The following PAQR5 variants were observed in gnomAD, a reference collection of about 807,000 sequenced individuals.
The protein encoded by PAQR5 is progestin and adipoQ receptor family member 5, also known as membrane progestin receptor gamma.
Under a neutral mutation model 34.5 loss-of-function variants are expected in PAQR5, and 20 were observed. The ratio of observed to expected loss-of-function variants is 0.58; its 90% CI spans 0.41 to 0.84. The LOEUF (loss-of-function observed/expected upper bound fraction) is 0.84, where lower values mean the gene tolerates loss of function less well. Ranked by LOEUF, PAQR5 falls within the 40% of genes least tolerant of loss-of-function variation. The probability of loss-of-function intolerance (pLI) is 0.00; values close to 1 mark genes in which losing one functional copy is unlikely to be tolerated. For synonymous variants in PAQR5, 131 were observed against 155.6 expected (o/e 0.84, Z 1.18); for missense variants, 378 against 412.7 (o/e 0.92, Z 0.73).
At chr15:69,315,202 A>T (rs549970792) in intron 1 of PAQR5, among the ~76,000 whole-genome samples, 3 of 152,154 alleles carry the variant, frequency 2.0e-5, no homozygotes, top group African/African-American at 7.2e-5. Context: ...CCTTCACACG[A>T]CTGCAACTGC....
At chr15:69,391,892 A>G (rs2056284207) in intron 6 of PAQR5, 1 of 380,038 alleles carries the variant, frequency 2.6e-6, no homozygotes, top group Non-Finnish European at 5.3e-6. Flanking sequence ...ACCTGTCTCC[A>G]CTAAAAATAC....
In PAQR5 at chr15:69,321,347, C is replaced by G. The variant is rs547470614; in HGVS notation, c.-276-15994C>G. 2.0e-5 allele frequency among the ~76,000 whole-genome samples: 3 copies of G among 152,300 alleles called. No individual in the cohort carries two copies. In the South Asian group the frequency reaches 6.2e-4, roughly 32 times the overall value. On this transcript the variant is annotated intron_variant, in intron 1 of 8. Coordinates refer to ENST00000395407, the MANE Select transcript of PAQR5 (RefSeq NM_017705.4). The stretch of plus-strand genomic sequence containing the variant: ...CTTCCATGCTGGCTCCAGCAATTAT[C>G]AACTCATGGCCGTTTTTTATCTATA...
intron 1 of PAQR5, among the ~76,000 whole-genome samples, chr15:69,328,179 G>A (rs1164227749): frequency 6.6e-6 from 1 of 152,206 alleles, no homozygotes; most frequent in Non-Finnish European, 1.5e-5. Flanking sequence ...ATCAGAGAAT[G>A]ATATACATCA....
intron 1 of PAQR5, among the ~76,000 whole-genome samples, chr15:69,303,123 T>G (rs1445480162): frequency 6.6e-6 from 1 of 152,160 alleles, no homozygotes. Flanking sequence ...AGTTAACACG[T>G]GCTGAGTAGA....
chr15:69,362,933 A>G (rs1029191229), intron 3 of PAQR5, among the ~76,000 whole-genome samples: 1 of 152,034 alleles, frequency 6.6e-6, no homozygotes, highest in African/African-American at 2.4e-5. Flanking sequence ...AGGAGATGCA[A>G]CCTTCACTTG....
At chr15:69,302,071 G>GAT (rs1391829475) in intron 1 of PAQR5, among the ~76,000 whole-genome samples, 8 of 151,390 alleles carry the variant, frequency 5.3e-5, no homozygotes, top group Non-Finnish European at 8.8e-5. Flanking sequence ...GGGTTGGTCA[G>GAT]ATATATATAT....
chr15:69,358,137 G>A (rs374179766), intron 2 of PAQR5, among the ~76,000 whole-genome samples: 1 of 152,036 alleles, frequency 6.6e-6, no homozygotes, highest in South Asian at 2.1e-4. Flanking sequence ...AATTTACTAT[G>A]GTAAATTCCC....
chr15:69,348,262 C>A (rs1028143537), intron 2 of PAQR5, among the ~76,000 whole-genome samples: 1 of 152,096 alleles, frequency 6.6e-6, no homozygotes, highest in Admixed American at 6.5e-5. Flanking sequence ...TTATGGCAGG[C>A]CATTTACATG....
chr15:69,375,572 G>C (rs77565335), intron 3 of PAQR5, among the ~76,000 whole-genome samples: 5,879 of 152,216 alleles, frequency 0.039, 155 homozygotes, highest in Non-Finnish European at 0.054. Context: ...TTTATCTCTC[G>C]ACAGAGCCCT....
chr15:69,381,485 G>A (rs2055882600), intron 4 of PAQR5, among the ~76,000 whole-genome samples: 1 of 152,228 alleles, frequency 6.6e-6, no homozygotes, highest in South Asian at 2.1e-4. Context: ...GATTTGAGCT[G>A]CTAAAAGGGT....
intron 3 of PAQR5, among the ~76,000 whole-genome samples, chr15:69,371,631 ATCT>A (rs1232178774): frequency 1.3e-5 from 2 of 152,178 alleles, no homozygotes; most frequent in Non-Finnish European, 2.9e-5. Flanking sequence ...TTGTACGTGA[ATCT>A]TCTCTTCACA....
chr15:69,374,182 T>A (rs2055639472), intron 3 of PAQR5, among the ~76,000 whole-genome samples: 1 of 152,230 alleles, frequency 6.6e-6, no homozygotes, highest in African/African-American at 2.4e-5. Flanking sequence ...ATATCAACAA[T>A]GGTTGGTTAT....
intron 2 of PAQR5, among the ~76,000 whole-genome samples, chr15:69,355,289 TTTC>T (rs1410776758): frequency 9.2e-6 from 1 of 109,094 alleles, no homozygotes; most frequent in Non-Finnish European, 1.8e-5. Flanking sequence ...CTTTCTTTCT[TTTC>T]TTTCTTTCTT....
At chr15:69,333,036 T>C (rs531831141) in intron 1 of PAQR5, among the ~76,000 whole-genome samples, 66 of 152,236 alleles carry the variant, frequency 4.3e-4, no homozygotes, top group Non-Finnish European at 6.2e-4. Context: ...GCAATAGGTA[T>C]ATTTAAAAGG....
At position 69,380,273 on chromosome 15, in the gene PAQR5, G is replaced by A. The variant is rs541546966; in HGVS notation, c.179+263G>A. On this transcript the variant is annotated intron_variant, in intron 4 of 8. Transcript: ENST00000395407. ...TCAGTCCTTCCTGCTCCCTGCTCCG[G>A]TGCCTGATATGATAGCATTTACCTT... is the stretch of plus-strand genomic sequence containing the variant. 5 of 391,978 alleles carry A rather than the reference G, an allele frequency of 1.3e-5. No homozygotes were observed. The East Asian group carries it at 2.4e-4, about 19-fold the overall frequency. 24.3% of individuals were successfully genotyped at this position (391,978 alleles called of 1,614,324 possible).
At position 69,359,983 on chromosome 15, in the gene PAQR5, A is replaced by G. The variant is rs1057046299; in HGVS notation, c.-98A>G. 4.5e-6 allele frequency: 4 copies of G among 895,850 alleles called. No homozygotes were observed. The African/African-American group carries it at 4.9e-5, about 11-fold the overall frequency. 55.5% of individuals were successfully genotyped at this position (895,850 alleles called of 1,614,324 possible). A position where few individuals can be genotyped will look rare whatever the true frequency, so the allele number is the denominator to read the frequency against. On this transcript the variant is annotated 5_prime_UTR_variant, in exon 3 of 9. Transcript: ENST00000395407. ...TCTTTCAGGGAAGCGGCACAGCACCAGCTAGGCAGAGACGCCCCAGGCCAT... is the reference window on the plus strand; with the variant it reads ...TCTTTCAGGGAAGCGGCACAGCACCGGCTAGGCAGAGACGCCCCAGGCCAT...
At position 69,300,937 on chromosome 15, in the gene PAQR5, C is replaced by CCTTCTTTCTTTCTT. The variant is rs2053578416; in HGVS notation, c.-277+1881_-277+1882insCTTCTTTCTTTCTT. Among the ~76,000 whole-genome samples, 2 of 5,154 alleles carry CCTTCTTTCTTTCTT rather than the reference C, an allele frequency of 3.9e-4. 1 individual carries two copies. Among genetic ancestry groups the CCTTCTTTCTTTCTT allele is most frequent in the Non-Finnish European group, 1.8e-3 (2 of 1,108 alleles). The allele number at this position is 5,154 out of a possible 152,430, so 3.4% of individuals were successfully genotyped here. The stretch of plus-strand genomic sequence containing the variant: ...CCTTTCTCTCTCTCTCTCTCTCTCT[C>CCTTCTTTCTTTCTT]TCTTTCTTTCCTTCTTTCTTTCTTT... On this transcript the variant is annotated intron_variant, in intron 1 of 8. Coordinates refer to ENST00000395407, the MANE Select transcript of PAQR5 (RefSeq NM_017705.4).
At chr15:69,383,996 C>G (rs1354664507) in intron 4 of PAQR5, among the ~76,000 whole-genome samples, 1 of 82,242 alleles carries the variant, frequency 1.2e-5, no homozygotes, top group Non-Finnish European at 2.5e-5. Flanking sequence ...GGTGAGCGGG[C>G]CCTCTGTATT....
intron 1 of PAQR5, among the ~76,000 whole-genome samples, chr15:69,312,383 A>T (rs759566968): frequency 1.1e-4 from 17 of 152,036 alleles, no homozygotes; most frequent in Non-Finnish European, 2.5e-4. Context: ...CCAACCTTGC[A>T]TTAGGTCCAA....
Sources: allele counts gnomAD v4.1 joint callset (sites outside exome capture counted in the v4.1 genomes callset), GRCh38; gene constraint gnomAD v4.1.1; transcripts MANE v1.5; gene names NCBI Gene and HGNC (gene_info 2026-07-23, HGNC 2026-07-21).